Variants in CNTNAP2 observed in about 807,000 individuals in gnomAD.
The protein encoded by CNTNAP2 is contactin-associated protein-like 2.
CNTNAP2 carries 98 observed loss-of-function variants against 155.2 expected under a neutral mutation model. The ratio of observed to expected loss-of-function variants is 0.63; its 90% confidence interval spans 0.54 to 0.75. The LOEUF (loss-of-function observed/expected upper bound fraction) is 0.75. Among genes scored for constraint, CNTNAP2 ranks in the 30% least tolerant of loss-of-function variants. The pLI, the probability that CNTNAP2 is intolerant of heterozygous loss-of-function variation, is 0.00. For missense variants in CNTNAP2, 1,727 were observed against 1,688.1 expected (o/e 1.02, Z -0.40); for synonymous variants, 651 against 631.2 (o/e 1.03, Z -0.47).
intron 1 of CNTNAP2, among the ~76,000 whole-genome samples, chr7:146,624,870 C>T (rs1387491438): frequency 6.6e-6 from 1 of 151,858 alleles, no homozygotes; most frequent in East Asian, 1.9e-4. Flanking sequence ...AAGATATTTC[C>T]AACACCCTCT....
intron 18 of CNTNAP2, among the ~76,000 whole-genome samples, chr7:148,212,143 T>G (rs10260740): frequency 0.086 from 5,681 of 66,242 alleles, 383 homozygotes; most frequent in African/African-American, 0.23. Flanking sequence ...TTTTTGTGGG[T>G]TTTTTTTTTT....
intron 3 of CNTNAP2, among the ~76,000 whole-genome samples, chr7:146,940,807 ATG>A (rs1231271642): frequency 2.0e-5 from 3 of 148,040 alleles, no homozygotes; most frequent in Admixed American, 6.7e-5. Flanking sequence ...TGTTATATAT[ATG>A]TGTGTGTGTG....
rs945050774 is a variant in CNTNAP2 at position 146,990,914 on chromosome 7, C to T, written c.403-52993C>T. ...GGAAACTTTGGTTTAGCTGGAGTGTCGTGCCATAGTCAGAGGATTCTGGGG... is the reference window on the plus strand; with the variant it reads ...GGAAACTTTGGTTTAGCTGGAGTGTTGTGCCATAGTCAGAGGATTCTGGGG... On this transcript the variant is annotated intron_variant, in intron 3 of 23. Coordinates refer to ENST00000361727, the MANE Select transcript of CNTNAP2 (RefSeq NM_014141.6). Among the ~76,000 whole-genome samples, 4 of 152,124 alleles carry T rather than the reference C, an allele frequency of 2.6e-5. No individual in the cohort carries two copies. In the South Asian group the frequency reaches 6.2e-4, roughly 24 times the overall value.
At chr7:146,884,150 A>G (rs139946102) in intron 3 of CNTNAP2, among the ~76,000 whole-genome samples, 2 of 152,078 alleles carry the variant, frequency 1.3e-5, no homozygotes, top group Admixed American at 1.3e-4. Flanking sequence ...AATATTCAAG[A>G]CCTGCAGTTA....
intron 1 of CNTNAP2, among the ~76,000 whole-genome samples, chr7:146,209,769 G>C (rs1366205788): frequency 6.6e-6 from 1 of 152,096 alleles, no homozygotes; most frequent in East Asian, 1.9e-4. Context: ...ACTGATTTTA[G>C]TAAAACTTCC....
At chr7:148,169,277 A>G (rs1161848263) in intron 17 of CNTNAP2, among the ~76,000 whole-genome samples, 2 of 152,230 alleles carry the variant, frequency 1.3e-5, no homozygotes, top group Admixed American at 1.3e-4. Flanking sequence ...GCAGACTGGC[A>G]TGAATACAAA....
chr7:147,859,306 A>G (rs1799097885), intron 13 of CNTNAP2, among the ~76,000 whole-genome samples: 1 of 151,854 alleles, frequency 6.6e-6, no homozygotes, highest in East Asian at 1.9e-4. Context: ...TTACATAGTA[A>G]TTTGTCATCT....
At chr7:147,854,961 A>G (rs189345514) in intron 13 of CNTNAP2, among the ~76,000 whole-genome samples, 1 of 152,346 alleles carries the variant, frequency 6.6e-6, no homozygotes, top group East Asian at 1.9e-4. Flanking sequence ...AGAATATAAA[A>G]TAGCCCATTT....
chr7:146,774,560 A>G (rs1041277544), intron 2 of CNTNAP2, among the ~76,000 whole-genome samples, 179 bp downstream of exon 2: 2 of 152,210 alleles, frequency 1.3e-5, no homozygotes, highest in African/African-American at 4.8e-5. Flanking sequence ...CCACATTGAA[A>G]TAACATAGGA....
At chr7:146,805,598 G>T (rs1203955780) in intron 2 of CNTNAP2, among the ~76,000 whole-genome samples, 1 of 152,034 alleles carries the variant, frequency 6.6e-6, no homozygotes, top group Non-Finnish European at 1.5e-5. Context: ...AGGGAGGGAT[G>T]GATGTTAATT....
intron 21 of CNTNAP2, among the ~76,000 whole-genome samples, chr7:148,332,899 A>G (rs933853866): frequency 2.6e-5 from 4 of 152,236 alleles, no homozygotes; most frequent in African/African-American, 9.6e-5. Flanking sequence ...TAAACCAAGT[A>G]TAAAATAGGA....
At chr7:147,487,838 A>G (rs1234013640) in intron 11 of CNTNAP2, among the ~76,000 whole-genome samples, 2 of 152,178 alleles carry the variant, frequency 1.3e-5, no homozygotes, top group African/African-American at 4.8e-5. Flanking sequence ...TCCAAAGGTA[A>G]AAGACAAAAA....
intron 13 of CNTNAP2, among the ~76,000 whole-genome samples, chr7:147,680,918 A>G (rs533799660): frequency 6.6e-6 from 1 of 152,064 alleles, no homozygotes; most frequent in South Asian, 2.1e-4. Context: ...TAGAATAGAC[A>G]TAAGGCTGGA....
chr7:147,057,679 C>T (rs1404719641), intron 4 of CNTNAP2, among the ~76,000 whole-genome samples: 2 of 152,174 alleles, frequency 1.3e-5, no homozygotes, highest in Non-Finnish European at 2.9e-5. Flanking sequence ...AGTGGCAAAA[C>T]TGCCCCTGGG....
At chr7:147,965,275 A>G (rs753769588) in intron 14 of CNTNAP2, among the ~76,000 whole-genome samples, 1 of 152,172 alleles carries the variant, frequency 6.6e-6, no homozygotes, top group Non-Finnish European at 1.5e-5. Flanking sequence ...TTGGAAAGCA[A>G]TGTTGGCAAA....
At chr7:146,381,690 A>G (rs780402217) in intron 1 of CNTNAP2, among the ~76,000 whole-genome samples, 3 of 152,230 alleles carry the variant, frequency 2.0e-5, no homozygotes, top group Non-Finnish European at 4.4e-5. Context: ...TATCAGTTAC[A>G]TAGAGAGTAA....
rs1215605027 is a variant in CNTNAP2, at chr7:148,365,800, A to G, written c.3476-17849A>G. On this transcript the variant is annotated intron_variant, in intron 21 of 23. Transcript: ENST00000361727. Reference sequence around the variant, plus strand: ...TGTATGTGTATGCATGTATACATGCATGTGTATGCATGTATACATGCATGT... The same window carrying G: ...TGTATGTGTATGCATGTATACATGCGTGTGTATGCATGTATACATGCATGT... 1.3e-4 allele frequency among the ~76,000 whole-genome samples: 8 copies of G among 62,312 alleles called. 4 individuals are homozygous for G. The highest frequency in any genetic ancestry group is 2.0e-4 in the Non-Finnish European group (6 of 29,316). The allele number at this position is 62,312 out of a possible 152,430, so 40.9% of individuals were successfully genotyped here.
chr7:147,575,077 T>C (rs1199368367), intron 12 of CNTNAP2, among the ~76,000 whole-genome samples: 1 of 151,702 alleles, frequency 6.6e-6, no homozygotes, highest in African/African-American at 2.4e-5. Context: ...TTGCTAGTAT[T>C]GATTCATATT....
At chr7:146,391,206 T>C (rs1795538647) in intron 1 of CNTNAP2, among the ~76,000 whole-genome samples, 1 of 151,216 alleles carries the variant, frequency 6.6e-6, no homozygotes, top group Non-Finnish European at 1.5e-5. Flanking sequence ...ATGTGATGCC[T>C]GCTTCTTGAT....
Sources: allele counts gnomAD v4.1 joint callset (sites outside exome capture counted in the v4.1 genomes callset), GRCh38; gene constraint gnomAD v4.1.1; transcripts MANE v1.5; gene names NCBI Gene and HGNC (gene_info 2026-07-23, HGNC 2026-07-21).